The following SDK1 variants were observed in gnomAD, a reference collection of about 807,000 sequenced individuals.
SDK1 encodes sidekick cell adhesion molecule 1.
SDK1 carries 157 observed loss-of-function variants against 245.5 expected under a neutral mutation model. The ratio of observed to expected loss-of-function variants is 0.64; its 90% CI spans 0.56 to 0.73. SDK1 has a LOEUF of 0.73. Ranked by LOEUF, SDK1 falls within the 30% of genes least tolerant of loss-of-function variation. SDK1 has a pLI of 0.00. For missense variants in SDK1, 3,583 were observed against 3,002.3 expected, an observed-to-expected ratio of 1.19 and a Z score of -4.52; for synonymous variants, 1,647 against 1,278.5, an observed-to-expected ratio of 1.29 and a Z score of -6.15.
intron 19 of SDK1, among the ~76,000 whole-genome samples, chr7:4,064,371 G>C (rs1779737321): frequency 6.6e-6 from 1 of 152,056 alleles, no homozygotes; most frequent in African/African-American, 2.4e-5. Flanking sequence ...CCTCAATGAG[G>C]TACCATTTTA....
chr7:3,822,248 A>G (rs970269932), intron 5 of SDK1, among the ~76,000 whole-genome samples: 1 of 152,256 alleles, frequency 6.6e-6, no homozygotes, highest in Non-Finnish European at 1.5e-5. Flanking sequence ...TCAGACATCC[A>G]TATCAGAAGG....
chr7:3,310,925 C>G (rs765868220), intron 1 of SDK1, among the ~76,000 whole-genome samples: 1 of 152,182 alleles, frequency 6.6e-6, no homozygotes, highest in Non-Finnish European at 1.5e-5. Context: ...GTTGTGAGGG[C>G]TGATTGATAT....
At chr7:3,728,257 A>G (rs563130793) in intron 4 of SDK1, among the ~76,000 whole-genome samples, 9 of 152,190 alleles carry the variant, frequency 5.9e-5, no homozygotes, top group African/African-American at 2.2e-4. Context: ...TTTTTGTACT[A>G]CTTCTACCTA....
chr7:3,564,609 G>T (rs997637706), intron 1 of SDK1, among the ~76,000 whole-genome samples: 1 of 151,998 alleles, frequency 6.6e-6, no homozygotes, highest in African/African-American at 2.4e-5. Flanking sequence ...TGGGGGAAAA[G>T]CTAAATAAAA....
chr7:3,647,185 A>C (rs974342650), intron 4 of SDK1, among the ~76,000 whole-genome samples: 1 of 152,240 alleles, frequency 6.6e-6, no homozygotes, highest in Non-Finnish European at 1.5e-5. Context: ...CAGTAGCTTG[A>C]AGCTGCAGTG....
At chr7:3,797,456 T>A (rs1033915862) in intron 4 of SDK1, among the ~76,000 whole-genome samples, 6 of 81,488 alleles carry the variant, frequency 7.4e-5, no homozygotes, top group Non-Finnish European at 1.2e-4. Context: ...GAGGGGTGTG[T>A]ATACACACAC....
intron 1 of SDK1, among the ~76,000 whole-genome samples, chr7:3,309,220 C>T (rs552567169): frequency 5.3e-5 from 8 of 151,978 alleles, no homozygotes; most frequent in African/African-American, 1.7e-4. Flanking sequence ...AGGTGTTAGG[C>T]GCGATGCAAA....
chr7:4,219,584 C>T (rs1204156994), intron 38 of SDK1, among the ~76,000 whole-genome samples: 2 of 152,154 alleles, frequency 1.3e-5, no homozygotes, highest in Admixed American at 1.3e-4. Flanking sequence ...TCAATTATCT[C>T]CCCCAGGCCC....
intron 28 of SDK1, among the ~76,000 whole-genome samples, chr7:4,145,163 A>C (rs1779874254): frequency 6.6e-6 from 1 of 151,994 alleles, no homozygotes; most frequent in Admixed American, 6.6e-5. Flanking sequence ...GCTGCTCGGG[A>C]GGGGTGGGGC....
At chr7:3,889,411 G>A (rs753238853) in intron 5 of SDK1, among the ~76,000 whole-genome samples, 1 of 152,228 alleles carries the variant, frequency 6.6e-6, no homozygotes, top group African/African-American at 2.4e-5. Context: ...AAAGAGGGTC[G>A]AGTTCCTTCA....
chr7:4,209,299 G>A lies in SDK1; in HGVS notation c.5402-726G>A, dbSNP rs565238069. Among the ~76,000 whole-genome samples the A allele has an allele frequency of 2.6e-5, 4 of 152,256 alleles. No individual in the cohort carries two copies. In the East Asian group the frequency reaches 7.7e-4, roughly 29 times the overall value. On this transcript the variant is annotated intron_variant, in intron 37 of 44. Coordinates refer to ENST00000404826, the MANE Select transcript of SDK1 (RefSeq NM_152744.4). ...GGAGGGCAGAGAGGGAGGAGGGTGG[G>A]TGCCACTTCACAGGCACTTCTGAGC...
At chr7:3,612,339 A>G (rs1387298078) in intron 1 of SDK1, among the ~76,000 whole-genome samples, 1 of 152,246 alleles carries the variant, frequency 6.6e-6, no homozygotes, top group Non-Finnish European at 1.5e-5. Flanking sequence ...ATATCTAGTT[A>G]TCTATTTAAA....
At chr7:4,049,506 C>A in intron 18 of SDK1, 43 bp downstream of exon 18, 1 of 1,483,088 alleles carries the variant, frequency 6.7e-7, no homozygotes, top group South Asian at 1.1e-5. Context: ...CTGTCATTGT[C>A]TGGAGCCACA....
At chr7:3,826,768 C>T (rs1345627383) in intron 5 of SDK1, among the ~76,000 whole-genome samples, 6 of 152,182 alleles carry the variant, frequency 3.9e-5, no homozygotes, top group African/African-American at 1.4e-4. Context: ...CAGACTCAAC[C>T]TGCATAATAA....
intron 4 of SDK1, among the ~76,000 whole-genome samples, chr7:3,741,322 A>C (rs1779468020): frequency 6.6e-6 from 1 of 152,160 alleles, no homozygotes; most frequent in Non-Finnish European, 1.5e-5. Context: ...ACTAAGCAGG[A>C]ATCCCCAGCC....
At chr7:3,927,810 T>C (rs889034058) in intron 5 of SDK1, among the ~76,000 whole-genome samples, 3 of 152,248 alleles carry the variant, frequency 2.0e-5, no homozygotes, top group Non-Finnish European at 4.4e-5. Flanking sequence ...CTGGCTCACT[T>C]ACTGTCTTTA....
intron 29 of SDK1, among the ~76,000 whole-genome samples, chr7:4,148,867 C>G (rs1780162299): frequency 6.6e-6 from 1 of 152,146 alleles, no homozygotes; most frequent in Non-Finnish European, 1.5e-5. Context: ...ACCATCCTGG[C>G]CAACATGGTG....
At chr7:3,750,903 C>T (rs751409661) in intron 4 of SDK1, among the ~76,000 whole-genome samples, 4 of 152,224 alleles carry the variant, frequency 2.6e-5, no homozygotes, top group East Asian at 1.9e-4. Flanking sequence ...CTGGATGTAG[C>T]GCTAACAGCA....
Position 4,077,105 on chromosome 7 carries a change from A to T in SDK1, c.3118A>T (p.Thr1040Ser). The T allele has an allele frequency of 1.2e-6, 2 of 1,614,138 alleles. No homozygotes were observed. Among genetic ancestry groups the T allele is most frequent in the Non-Finnish European group, 1.7e-6 (2 of 1,180,012 alleles). The change falls in exon 21 of 45, where the codon ACC becomes TCC. Residue 1040 changes from threonine (T) to serine (S), a missense_variant. Thr to Ser is a moderately conservative substitution (Grantham distance 58). Coordinates refer to ENST00000404826, the MANE Select transcript of SDK1 (RefSeq NM_152744.4). Reference protein sequence around the residue: ...YKIQGLSSLTTYTIDVAAVTA... With the variant: ...YKIQGLSSLTSYTIDVAAVTA... ...GATCCAAGGCCTCTCATCTCTCACC[A>T]CCTACACCATCGACGTGGCCGCTGT...
Sources: gnomAD v4.1 joint callset for allele counts (sites outside exome capture counted in the v4.1 genomes callset) on GRCh38, gnomAD v4.1.1 for gene constraint, MANE v1.5 for transcripts, NCBI Gene and HGNC (gene_info 2026-07-23, HGNC 2026-07-21) for gene names.